The following MCUB variants were observed in gnomAD, a reference collection of about 807,000 sequenced individuals.
The protein encoded by MCUB is calcium uniporter regulatory subunit MCUb, mitochondrial.
A neutral mutation model predicts 41.4 loss-of-function variants in MCUB; 46 were observed. The observed-to-expected ratio is 1.11, with a 90% CI of 0.88 to 1.42. The LOEUF (loss-of-function observed/expected upper bound fraction) is 1.42. MCUB is among the 40% of genes most tolerant of loss of function. The pLI is 0.00. For missense variants in MCUB, 403 were observed against 404.9 expected, an observed-to-expected ratio of 1.00 and a Z score of 0.04; for synonymous variants, 148 against 148.2, an observed-to-expected ratio of 1.00 and a Z score of 0.01.
At chr4:109,577,515 C>G (rs1375681809) in intron 1 of MCUB, among the ~76,000 whole-genome samples, 1 of 152,066 alleles carries the variant, frequency 6.6e-6, no homozygotes, top group South Asian at 2.1e-4. Flanking sequence ...TCAGACCCAG[C>G]CTGTCACCTG....
At chr4:109,586,519 G>C (rs1727309391) in intron 1 of MCUB, among the ~76,000 whole-genome samples, 2 of 152,162 alleles carry the variant, frequency 1.3e-5, no homozygotes, top group Admixed American at 6.5e-5. Context: ...TGATCCTTTG[G>C]AAGAGCAGAG....
intron 4 of MCUB, among the ~76,000 whole-genome samples, chr4:109,682,121 T>C (rs936089015): frequency 2.0e-5 from 3 of 152,222 alleles, no homozygotes; most frequent in African/African-American, 4.8e-5. Flanking sequence ...TAAAGGTGGA[T>C]GCGGTCACCT....
At chr4:109,598,625 G>C (rs1727647437) in intron 1 of MCUB, among the ~76,000 whole-genome samples, 1 of 152,080 alleles carries the variant, frequency 6.6e-6, no homozygotes, top group East Asian at 1.9e-4. Flanking sequence ...GACGGGAGAG[G>C]GAGAGGGAGA....
intron 1 of MCUB, among the ~76,000 whole-genome samples, chr4:109,564,983 C>A (rs1325084552): frequency 6.6e-6 from 1 of 152,158 alleles, no homozygotes; most frequent in Non-Finnish European, 1.5e-5. Flanking sequence ...CTTCGATGGG[C>A]AAAGCAGCAA....
intron 1 of MCUB, among the ~76,000 whole-genome samples, chr4:109,581,031 T>G (rs59646325): frequency 6.6e-6 from 1 of 151,994 alleles, no homozygotes; most frequent in African/African-American, 2.4e-5. Context: ...AAAAAGTACT[T>G]TAAAGTTCAT....
intron 4 of MCUB, among the ~76,000 whole-genome samples, chr4:109,669,821 C>G (rs950541702): frequency 1.3e-5 from 2 of 152,110 alleles, no homozygotes; most frequent in Admixed American, 6.5e-5. Context: ...CCATTAAAGG[C>G]CTTCTTCCTT....
chr4:109,685,343 C>G lies in MCUB; in HGVS notation c.909C>G (p.Asn303Lys). 6.4e-6 allele frequency: 10 copies of G among 1,558,392 alleles called. No individual in the cohort carries two copies. The highest frequency in any genetic ancestry group is 1.7e-4 in the Middle Eastern group (1 of 5,882). ...KQQHFDVQQY[N>K]KLKEDLAKAK... ...AGCACTTTGATGTGCAGCAATACAACAAGTTAAAAGAAGACCTTGCTAAGG... is the reference window on the plus strand; with the variant it reads ...AGCACTTTGATGTGCAGCAATACAAGAAGTTAAAAGAAGACCTTGCTAAGG... The change falls in exon 7 of 8, where the codon AAC becomes AAG. Residue 303 changes from asparagine (N) to lysine (K), a missense_variant. Coordinates refer to ENST00000394650, the MANE Select transcript of MCUB (RefSeq NM_017918.5).
intron 1 of MCUB, among the ~76,000 whole-genome samples, chr4:109,635,126 A>T (rs1004552826): frequency 4.6e-5 from 7 of 152,224 alleles, no homozygotes; most frequent in Admixed American, 2.0e-4. Flanking sequence ...TGCAAAGGAC[A>T]TGAACTCATC....
chr4:109,582,128 A>G (rs1336257495), intron 1 of MCUB, among the ~76,000 whole-genome samples: 2 of 152,144 alleles, frequency 1.3e-5, no homozygotes, highest in African/African-American at 4.8e-5. Flanking sequence ...GAACCAACCC[A>G]AATGTCCATC....
chr4:109,680,749 T>C (rs1028432765), intron 4 of MCUB, among the ~76,000 whole-genome samples: 1 of 152,166 alleles, frequency 6.6e-6, no homozygotes, highest in Admixed American at 6.5e-5. Context: ...ACTGGAAAAC[T>C]TACTGGGCTG....
intron 1 of MCUB, among the ~76,000 whole-genome samples, chr4:109,632,531 C>T (rs1243092669): frequency 6.6e-6 from 1 of 151,262 alleles, no homozygotes; most frequent in Non-Finnish European, 1.5e-5. Flanking sequence ...CTCAGTGTCT[C>T]GAATGAGATT....
At chr4:109,620,147 C>T (rs879765257) in intron 1 of MCUB, among the ~76,000 whole-genome samples, 3 of 152,118 alleles carry the variant, frequency 2.0e-5, no homozygotes, top group Non-Finnish European at 2.9e-5. Flanking sequence ...TGTTCTGTTC[C>T]TTCTCGTTTT....
chr4:109,648,225 AG>A (rs1444257180), intron 1 of MCUB, among the ~76,000 whole-genome samples: 3 of 14,902 alleles, frequency 2.0e-4, no homozygotes. Context: ...GGAAGGAAAG[AG>A]AGAGAGAAGG....
At chr4:109,609,738 C>A (rs1428980510) in intron 1 of MCUB, among the ~76,000 whole-genome samples, 1 of 152,164 alleles carries the variant, frequency 6.6e-6, no homozygotes, top group Non-Finnish European at 1.5e-5. Context: ...CAACACAGCA[C>A]TGAGTCTTGC....
intron 1 of MCUB, among the ~76,000 whole-genome samples, chr4:109,608,630 G>T (rs560955991): frequency 2.6e-5 from 4 of 151,918 alleles, no homozygotes; most frequent in Non-Finnish European, 4.4e-5. Flanking sequence ...GGGACTACAG[G>T]CATGCACCAC....
At chr4:109,584,839 CT>C (rs1353445526) in intron 1 of MCUB, among the ~76,000 whole-genome samples, 3 of 152,122 alleles carry the variant, frequency 2.0e-5, no homozygotes, top group Admixed American at 6.6e-5. Context: ...GATTTCTGTT[CT>C]TTTATATTTG....
Position 109,633,281 on chromosome 4 carries a change from T to A in MCUB, c.100-25730T>A, listed in dbSNP as rs1022446437. Among the ~76,000 whole-genome samples, 17 of 152,294 alleles carry A rather than the reference T, an allele frequency of 1.1e-4. No individual in the cohort carries two copies. In the South Asian group the frequency reaches 2.5e-3, roughly 22 times the overall value. ...TTTATAATGAATTATTATTATTTTT[T>A]TTTTGAGACAAAGTCTCGGTCTGTC... On this transcript the variant is annotated intron_variant, in intron 1 of 7. Transcript: ENST00000394650.
intron 1 of MCUB, among the ~76,000 whole-genome samples, chr4:109,616,120 T>C (rs1170703182): frequency 1.3e-5 from 2 of 152,256 alleles, no homozygotes. Flanking sequence ...TCGCAGTTAG[T>C]TCTCATTCAA....
intron 1 of MCUB, among the ~76,000 whole-genome samples, chr4:109,616,780 A>G (rs1344503482): frequency 7.2e-5 from 11 of 152,248 alleles, no homozygotes; most frequent in Admixed American, 7.2e-4. Context: ...AAAAACATGT[A>G]CTAAAGTCAA....
Sources: allele counts gnomAD v4.1 joint callset (sites outside exome capture counted in the v4.1 genomes callset), GRCh38; gene constraint gnomAD v4.1.1; transcripts MANE v1.5; gene names NCBI Gene and HGNC (gene_info 2026-07-23, HGNC 2026-07-21).